SLC22A3: variants seen among roughly 807,000 people sequenced by gnomAD.
SLC22A3 encodes solute carrier family 22 member 3, also known as EMT organic cation transporter 3.
A neutral mutation model predicts 59.1 loss-of-function variants in SLC22A3; 51 were observed. That is an observed-to-expected ratio of 0.86 (90% CI 0.69 to 1.09). The LOEUF (loss-of-function observed/expected upper bound fraction) is 1.09. Ranked by LOEUF, SLC22A3 falls within the 50% of genes least tolerant of loss-of-function variation. SLC22A3 has a pLI of 0.00. For missense variants in SLC22A3, 711 were observed against 726.3 expected, an observed-to-expected ratio of 0.98 and a Z score of 0.24; for synonymous variants, 325 against 292.0, an observed-to-expected ratio of 1.11 and a Z score of -1.15.
At chr6:160,362,043 C>T (rs1276676092) in intron 1 of SLC22A3, among the ~76,000 whole-genome samples, 5 of 152,162 alleles carry the variant, frequency 3.3e-5, no homozygotes, top group Admixed American at 3.3e-4. Flanking sequence ...CTGCAGATAC[C>T]TTGATCCCCT....
In SLC22A3 at chr6:160,348,858, C is replaced by T; in HGVS notation, c.429+10C>T. The T allele has an allele frequency of 6.4e-7, 1 of 1,574,676 alleles. No individual in the cohort carries two copies. Among genetic ancestry groups the T allele is most frequent in the Non-Finnish European group, 8.6e-7 (1 of 1,168,672 alleles). ...CACCATCGTCAGCGAGGTAAGGGCG[C>T]CCCGGCCCTTTGGAAGCCGGCGGGA... On this transcript the variant is annotated intron_variant, in intron 1 of 10. Coordinates refer to ENST00000275300, the MANE Select transcript of SLC22A3 (RefSeq NM_021977.4).
At chr6:160,386,896 T>C (rs1786041903) in intron 1 of SLC22A3, among the ~76,000 whole-genome samples, 1 of 152,208 alleles carries the variant, frequency 6.6e-6, no homozygotes, top group African/African-American at 2.4e-5. Flanking sequence ...CTCATCTTGA[T>C]GGTCACACTG....
rs974236516 is a variant in SLC22A3, at chr6:160,407,157, T to C, written c.650T>C (p.Val217Ala). The C allele has an allele frequency of 8.1e-6, 13 of 1,612,082 alleles. No individual in the cohort carries two copies. The highest frequency in any genetic ancestry group is 1.1e-5 in the Non-Finnish European group (13 of 1,178,944). Reference protein sequence around the residue: ...VFVIFRFLQGVFGKGTWMTCY... With the variant: ...VFVIFRFLQGAFGKGTWMTCY... ...GTGATCTTCCGCTTCCTGCAAGGTG[T>C]ATTTGGAAAGGGGACGTGGATGACT... is the stretch of plus-strand genomic sequence containing the variant. Residue 217 changes from valine (V) to alanine (A), a missense_variant, in exon 3 of 11, where the codon GTA becomes GCA. Physicochemically the swap from Val to Ala is moderately conservative, Grantham distance 64. Coordinates refer to ENST00000275300, the MANE Select transcript of SLC22A3 (RefSeq NM_021977.4).
intron 1 of SLC22A3, among the ~76,000 whole-genome samples, chr6:160,381,960 C>G (rs1785815010): frequency 6.6e-6 from 1 of 152,058 alleles, no homozygotes; most frequent in Non-Finnish European, 1.5e-5. Flanking sequence ...ATTATTTAGT[C>G]TTCTTAATAA....
chr6:160,351,198 C>T (rs1784648750), intron 1 of SLC22A3, among the ~76,000 whole-genome samples: 2 of 152,192 alleles, frequency 1.3e-5, no homozygotes, highest in South Asian at 4.1e-4. Flanking sequence ...TTACTGCAAG[C>T]TCCGCCTCCC....
At chr6:160,387,804 C>T (rs1271948397) in intron 1 of SLC22A3, among the ~76,000 whole-genome samples, 1 of 152,138 alleles carries the variant, frequency 6.6e-6, no homozygotes, top group African/African-American at 2.4e-5. Context: ...TAATAGTTCT[C>T]CTAGTATCTT....
chr6:160,426,952 C>G (rs1787981956), intron 5 of SLC22A3, among the ~76,000 whole-genome samples: 1 of 152,112 alleles, frequency 6.6e-6, no homozygotes, highest in Non-Finnish European at 1.5e-5. Context: ...ATTTAGTATG[C>G]TTCAGTTTCC....
intron 2 of SLC22A3, among the ~76,000 whole-genome samples, chr6:160,405,589 A>T (rs1786981703): frequency 6.6e-6 from 1 of 152,158 alleles, no homozygotes; most frequent in Admixed American, 6.6e-5. Context: ...AACCCAAAAA[A>T]GTTGAAAACT....
At chr6:160,403,748 G>A (rs1407466736) in intron 2 of SLC22A3, among the ~76,000 whole-genome samples, 1 of 146,858 alleles carries the variant, frequency 6.8e-6, no homozygotes, top group Non-Finnish European at 1.5e-5. Context: ...TGTAAAACTG[G>A]TTCAGCATTC....
At chr6:160,399,210 C>A (rs1040070800) in intron 2 of SLC22A3, among the ~76,000 whole-genome samples, 2 of 152,062 alleles carry the variant, frequency 1.3e-5, no homozygotes, top group Non-Finnish European at 2.9e-5. Flanking sequence ...GATGCCCTTT[C>A]CCCTTTTTCT....
chr6:160,391,887 A>C (rs16891548), intron 1 of SLC22A3, among the ~76,000 whole-genome samples: 4,493 of 152,284 alleles, frequency 0.03, 201 homozygotes, highest in Middle Eastern at 0.11. Context: ...CAAGTTTAGA[A>C]AAAAAGTGAT....
chr6:160,448,615 C>T (rs1788837684), intron 10 of SLC22A3, among the ~76,000 whole-genome samples: 1 of 152,090 alleles, frequency 6.6e-6, no homozygotes, highest in Admixed American at 6.5e-5. Context: ...ATAAGTAAAA[C>T]TAATACCCAG....
chr6:160,446,623 C>T (rs983228359), intron 9 of SLC22A3, among the ~76,000 whole-genome samples: 5 of 152,174 alleles, frequency 3.3e-5, no homozygotes, highest in Non-Finnish European at 5.9e-5. Context: ...AGGTCCCTCC[C>T]TCAACATGTG....
At chr6:160,412,376 G>GT (rs1327855111) in intron 5 of SLC22A3, among the ~76,000 whole-genome samples, 1 of 151,936 alleles carries the variant, frequency 6.6e-6, no homozygotes, top group Admixed American at 6.6e-5. Context: ...AAAGAACTGG[G>GT]TTTTGTTGGT....
intron 2 of SLC22A3, among the ~76,000 whole-genome samples, chr6:160,399,144 C>T (rs555913621): frequency 7.2e-5 from 11 of 152,164 alleles, no homozygotes; most frequent in African/African-American, 2.2e-4. Flanking sequence ...GTTTCTCTCT[C>T]GCCCTCTCCA....
intron 1 of SLC22A3, among the ~76,000 whole-genome samples, chr6:160,360,561 A>G (rs1784980202): frequency 6.6e-6 from 1 of 152,234 alleles, no homozygotes; most frequent in Non-Finnish European, 1.5e-5. Flanking sequence ...TCTCTTAAGA[A>G]CATAAACAAA....
At chr6:160,433,473 A>C (rs1030597073) in intron 5 of SLC22A3, among the ~76,000 whole-genome samples, 3 of 152,130 alleles carry the variant, frequency 2.0e-5, no homozygotes, top group Admixed American at 2.0e-4. Context: ...GTTCAAGCCC[A>C]GGAGTTCAAG....
At chr6:160,392,530 C>T (rs1055580885) in intron 1 of SLC22A3, among the ~76,000 whole-genome samples, 3 of 152,206 alleles carry the variant, frequency 2.0e-5, no homozygotes, top group South Asian at 4.1e-4. Context: ...CCAGCCTTCT[C>T]GGCATAATGC....
At chr6:160,397,729 T>C (rs1406257264) in intron 1 of SLC22A3, among the ~76,000 whole-genome samples, 2 of 120,590 alleles carry the variant, frequency 1.7e-5, no homozygotes, top group Non-Finnish European at 3.4e-5. Context: ...CGAGACTCCA[T>C]CTCAAAAAAA....
Sources: allele counts gnomAD v4.1 joint callset (sites outside exome capture counted in the v4.1 genomes callset), GRCh38; gene constraint gnomAD v4.1.1; transcripts MANE v1.5; gene names NCBI Gene and HGNC (gene_info 2026-07-23, HGNC 2026-07-21).